CADM1: variants seen among roughly 807,000 people sequenced by gnomAD.
The protein encoded by CADM1 is TSLC-1.
CADM1 carries 15 observed loss-of-function variants against 53.1 expected under a neutral mutation model. The ratio of observed to expected loss-of-function variants is 0.28; its 90% CI spans 0.19 to 0.44. The LOEUF (loss-of-function observed/expected upper bound fraction) is 0.44, where lower values mean the gene tolerates loss of function less well. Among genes scored for constraint, CADM1 ranks in the 20% least tolerant of loss-of-function variants. The pLI, the probability that CADM1 is intolerant of heterozygous loss-of-function variation, is 1.00. For synonymous variants in CADM1, 281 were observed against 243.0 expected, an observed-to-expected ratio of 1.16 and a Z score of -1.45; for missense variants, 434 against 611.3, an observed-to-expected ratio of 0.71 and a Z score of 3.06.
intron 1 of CADM1, among the ~76,000 whole-genome samples, chr11:115,249,249 TTA>T (rs1565323662): frequency 6.6e-6 from 1 of 152,242 alleles, no homozygotes; most frequent in East Asian, 1.9e-4. Context: ...GCTAATGAAC[TTA>T]TAATATGATA....
chr11:115,317,653 G>C (rs1944704186), intron 1 of CADM1, among the ~76,000 whole-genome samples: 1 of 152,150 alleles, frequency 6.6e-6, no homozygotes, highest in Non-Finnish European at 1.5e-5. Context: ...CTGTAACCAT[G>C]ACAGCTGTGT....
chr11:115,306,095 CACACACACAT>C (rs1486463737), intron 1 of CADM1, among the ~76,000 whole-genome samples: 1 of 151,328 alleles, frequency 6.6e-6, no homozygotes, highest in Admixed American at 6.6e-5. Context: ...CACACACACA[CACACACACAT>C]ACCGTCATGT....
At chr11:115,202,506 G>A (rs1410519784) in intron 8 of CADM1, among the ~76,000 whole-genome samples, 1 of 152,108 alleles carries the variant, frequency 6.6e-6, no homozygotes, top group Non-Finnish European at 1.5e-5. Flanking sequence ...ATTTTAGGGT[G>A]TGTTTGAGTA....
chr11:115,267,656 C>A (rs1261843190), intron 1 of CADM1, among the ~76,000 whole-genome samples: 2 of 150,298 alleles, frequency 1.3e-5, no homozygotes, highest in African/African-American at 4.9e-5. Context: ...GGCTACTACA[C>A]AAACTAACCT....
intron 1 of CADM1, among the ~76,000 whole-genome samples, chr11:115,355,722 ACAC>A (rs1945851160): frequency 1.9e-5 from 1 of 53,186 alleles, no homozygotes; most frequent in African/African-American, 3.8e-5. Context: ...ACACACACAC[ACAC>A]ACACACACAC....
chr11:115,207,152 TTG>T (rs1402477435), intron 8 of CADM1: 1 of 152,130 alleles, frequency 6.6e-6, no homozygotes, highest in Non-Finnish European at 1.5e-5. Context: ...TTCTACAATG[TTG>T]TGTTAGTAGC....
intron 1 of CADM1, among the ~76,000 whole-genome samples, chr11:115,423,555 T>C (rs1947814421): frequency 6.6e-6 from 1 of 152,110 alleles, no homozygotes; most frequent in Admixed American, 6.6e-5. Context: ...CTGTTATCTA[T>C]CCCCCCACCT....
rs556848352 is a variant in CADM1 at position 115,190,865 on chromosome 11, C to A, written c.1165+23G>T. 6 of 1,588,072 alleles carry A rather than the reference C, an allele frequency of 3.8e-6. No homozygotes were observed. In the African/African-American group the frequency reaches 8.0e-5, roughly 21 times the overall value. On this transcript the variant is annotated intron_variant, in intron 10 of 11. Transcript: ENST00000331581. ...ACCCACAGGTTGGACACTGCAGTGC[C>A]TTACCTAATGACTAGCCCTTACCTG...
At chr11:115,475,010 T>C (rs1204738681) in intron 1 of CADM1, among the ~76,000 whole-genome samples, 2 of 152,074 alleles carry the variant, frequency 1.3e-5, no homozygotes, top group African/African-American at 2.4e-5. Flanking sequence ...CTCTAGAAAA[T>C]AGTTTGGCAG....
chr11:115,226,721 A>T (rs765875452), intron 5 of CADM1, among the ~76,000 whole-genome samples: 5 of 152,196 alleles, frequency 3.3e-5, no homozygotes, highest in Non-Finnish European at 5.9e-5. Flanking sequence ...GCAATGACTG[A>T]TCAGACTTCA....
At chr11:115,325,632 T>A (rs1357704166) in intron 1 of CADM1, among the ~76,000 whole-genome samples, 1 of 152,198 alleles carries the variant, frequency 6.6e-6, no homozygotes, top group Non-Finnish European at 1.5e-5. Context: ...TTTGAAGCTT[T>A]GTTTTAAGCT....
intron 1 of CADM1, among the ~76,000 whole-genome samples, chr11:115,254,986 A>C (rs1012280897): frequency 6.6e-6 from 1 of 152,158 alleles, no homozygotes; most frequent in Non-Finnish European, 1.5e-5. Context: ...GGCTGGAGTC[A>C]GGAGGATCAG....
At chr11:115,192,265 A>G (rs1185305987) in intron 9 of CADM1, among the ~76,000 whole-genome samples, 1 of 152,194 alleles carries the variant, frequency 6.6e-6, no homozygotes, top group Non-Finnish European at 1.5e-5. Context: ...ACCCTTGAGG[A>G]AGAAGAACTT....
At chr11:115,198,305 G>C in intron 9 of CADM1, 101 bp downstream of exon 9, 1 of 874,520 alleles carries the variant, frequency 1.1e-6, no homozygotes, top group Non-Finnish European at 1.8e-6. Flanking sequence ...CAGTCTACTT[G>C]AAACATGATT....
At chr11:115,194,408 A>G (rs1940048871) in intron 9 of CADM1, among the ~76,000 whole-genome samples, 1 of 152,240 alleles carries the variant, frequency 6.6e-6, no homozygotes, top group Admixed American at 6.5e-5. Flanking sequence ...GCAGTTTTCT[A>G]AGGGCTGTGC....
intron 1 of CADM1, among the ~76,000 whole-genome samples, chr11:115,248,342 C>T (rs1156361735): frequency 6.6e-6 from 1 of 152,202 alleles, no homozygotes; most frequent in Non-Finnish European, 1.5e-5. Flanking sequence ...CTTTAAAAGA[C>T]TGAGCTCAAT....
At chr11:115,323,227 A>G (rs1477159400) in intron 1 of CADM1, among the ~76,000 whole-genome samples, 1 of 152,164 alleles carries the variant, frequency 6.6e-6, no homozygotes, top group Non-Finnish European at 1.5e-5. Flanking sequence ...TGATGTGTTT[A>G]TCTTCTTTAG....
At chr11:115,308,775 C>T (rs1474360667) in intron 1 of CADM1, among the ~76,000 whole-genome samples, 3 of 149,114 alleles carry the variant, frequency 2.0e-5, no homozygotes, top group African/African-American at 7.4e-5. Flanking sequence ...TCCCTCCTTC[C>T]CTCCCTCCCT....
At chr11:115,261,127 T>C (rs1440571708) in intron 1 of CADM1, among the ~76,000 whole-genome samples, 1 of 152,154 alleles carries the variant, frequency 6.6e-6, no homozygotes, top group Admixed American at 6.5e-5. Flanking sequence ...CTAAATGTCA[T>C]GAGGGTACAC....
Sources: allele counts gnomAD v4.1 joint callset (sites outside exome capture counted in the v4.1 genomes callset), GRCh38; gene constraint gnomAD v4.1.1; transcripts MANE v1.5; gene names NCBI Gene and HGNC (gene_info 2026-07-23, HGNC 2026-07-21).